TMED2: variants seen among roughly 807,000 people sequenced by gnomAD.
The protein encoded by TMED2 is transmembrane emp24 domain-containing protein 2.
A neutral mutation model predicts 17.5 loss-of-function variants in TMED2; 3 were observed. The observed-to-expected ratio is 0.17, with a 90% CI of 0.08 to 0.44. The LOEUF (loss-of-function observed/expected upper bound fraction) is 0.44. Among genes scored for constraint, TMED2 ranks in the 20% least tolerant of loss-of-function variants. TMED2 has a pLI of 0.99. For missense variants in TMED2, 149 were observed against 254.8 expected (o/e 0.58, Z 2.83); for synonymous variants, 95 against 91.0 (o/e 1.04, Z -0.25).
chr12:123,596,744 A>T lies in TMED2; in HGVS notation c.*15A>T. On this transcript the variant is annotated 3_prime_UTR_variant, in exon 4 of 4. Coordinates refer to ENST00000262225, the MANE Select transcript of TMED2 (RefSeq NM_006815.4). The stretch of plus-strand genomic sequence containing the variant: ...GAGTTGTTTAAAAAGCCTCTTCCTG[A>T]TGATCCCAACTCAGAATTCACTGTT... The T allele has an allele frequency of 6.3e-7, 1 of 1,594,636 alleles. No homozygotes were observed. The highest frequency in any genetic ancestry group is 8.5e-7 in the Non-Finnish European group (1 of 1,172,748).
Position 123,597,403 on chromosome 12 carries a change from A to G in TMED2, c.*674A>G, listed in dbSNP as rs1953439276. 6.6e-6 allele frequency: 1 copy of G among 152,220 alleles called. No homozygotes were observed. Among genetic ancestry groups the G allele is most frequent in the Non-Finnish European group, 1.5e-5 (1 of 68,048 alleles). 9.4% of individuals were successfully genotyped at this position (152,220 alleles called of 1,614,324 possible). On this transcript the variant is annotated 3_prime_UTR_variant, in exon 4 of 4. Coordinates refer to ENST00000262225, the MANE Select transcript of TMED2 (RefSeq NM_006815.4). ...AATAACCATTTCTGGGTTTCTGCCT[A>G]ACCCCCTAATTGTCTGTTAAAGCCA...
intron 2 of TMED2, among the ~76,000 whole-genome samples, chr12:123,588,308 G>T (rs1348278443): frequency 2.0e-5 from 3 of 151,984 alleles, no homozygotes; most frequent in African/African-American, 7.3e-5. Flanking sequence ...TTCAGTATCA[G>T]TAGAGTGTTA....
intron 2 of TMED2, 41 bp from the exon 3 acceptor site, chr12:123,590,301 A>AAAT: frequency 5.6e-6 from 8 of 1,440,758 alleles, no homozygotes; most frequent in Non-Finnish European, 6.6e-6. Flanking sequence ...AAAAAAAAAA[A>AAAT]GACATTGACA....
chr12:123,587,284 T>G (rs1390343547), intron 2 of TMED2, among the ~76,000 whole-genome samples: 1 of 152,168 alleles, frequency 6.6e-6, no homozygotes, highest in Non-Finnish European at 1.5e-5. Flanking sequence ...TATGCCACCA[T>G]GCCCGGCTAA....
chr12:123,584,910 G>C (rs1373916961), intron 1 of TMED2, 94 bp downstream of exon 1: 2 of 1,485,946 alleles, frequency 1.3e-6, no homozygotes, highest in East Asian at 4.6e-5. Flanking sequence ...GTGGGGAGTG[G>C]GCTTGGAAGT....
intron 2 of TMED2, among the ~76,000 whole-genome samples, chr12:123,588,167 G>A (rs1015553090): frequency 1.3e-5 from 2 of 151,300 alleles, no homozygotes; most frequent in African/African-American, 2.4e-5. Flanking sequence ...TGCTTACCGG[G>A]AGCCAGCACA....
intron 3 of TMED2, 76 bp from the exon 4 acceptor site, chr12:123,596,529 A>G: frequency 6.6e-7 from 1 of 1,520,976 alleles, no homozygotes; most frequent in Non-Finnish European, 8.8e-7. Context: ...CAGAGTGAAG[A>G]CTAAAATATT....
intron 3 of TMED2, among the ~76,000 whole-genome samples, chr12:123,594,144 T>TG (rs1953412979): frequency 6.6e-6 from 1 of 151,042 alleles, no homozygotes; most frequent in Admixed American, 6.6e-5. Flanking sequence ...AGAATTTTTT[T>TG]TTTTTTTTGA....
At chr12:123,589,721 C>G (rs1225646517) in intron 2 of TMED2, among the ~76,000 whole-genome samples, 1 of 151,898 alleles carries the variant, frequency 6.6e-6, no homozygotes, top group Non-Finnish European at 1.5e-5. Flanking sequence ...CAGGCCTTCT[C>G]TGAGGATTTT....
rs1331792883 is a variant in TMED2 at position 123,584,823 on chromosome 12, GC to G, written c.180+8del. 1 of 1,607,296 alleles carries G rather than the reference GC, an allele frequency of 6.2e-7. No homozygotes were observed. The highest frequency in any genetic ancestry group is 8.5e-7 in the Non-Finnish European group (1 of 1,179,740). On this transcript the variant is annotated splice_region_variant and intron_variant, in intron 1 of 3. Coordinates refer to ENST00000262225, the MANE Select transcript of TMED2 (RefSeq NM_006815.4). ...CCTGGACATCGACGTGGAGGTGCGG[GC>G]TAGCTGCCCGCAGCTGAGGCTTGGT...
chr12:123,596,292 A>G (rs1335217670), intron 3 of TMED2, among the ~76,000 whole-genome samples: 1 of 152,230 alleles, frequency 6.6e-6, no homozygotes, highest in South Asian at 2.1e-4. Context: ...TTATTATAAA[A>G]TAATCTTTGT....
chr12:123,593,512 A>G (rs1039026390), intron 3 of TMED2, among the ~76,000 whole-genome samples: 1 of 152,252 alleles, frequency 6.6e-6, no homozygotes, highest in African/African-American at 2.4e-5. Flanking sequence ...CAAAATGGAT[A>G]GTAATATAGG....
In TMED2 at chr12:123,591,415, C is replaced by A. The variant is rs77707542; in HGVS notation, c.481+966C>A. Among the ~76,000 whole-genome samples, 858 of 152,254 alleles carry A rather than the reference C, an allele frequency of 5.6e-3. 3 individuals are homozygous for A. Among genetic ancestry groups the A allele is most frequent in the Non-Finnish European group, 8.7e-3 (590 of 68,020 alleles). ...AGAGGTACTATATTGACAGACAGAC[C>A]AATTCCATTGATTAGGTTCAGGGCC... On this transcript the variant is annotated intron_variant, in intron 3 of 3. Transcript: ENST00000262225.
intron 3 of TMED2, among the ~76,000 whole-genome samples, chr12:123,595,705 G>A (rs1953426048): frequency 6.6e-6 from 1 of 151,944 alleles, no homozygotes; most frequent in Admixed American, 6.6e-5. Flanking sequence ...TTTCTTCTCT[G>A]CTCCCCATAT....
At position 123,590,585 on chromosome 12, in the gene TMED2, G is replaced by A. The variant is rs1253792793; in HGVS notation, c.481+136G>A. 3 of 592,292 alleles carry A rather than the reference G, an allele frequency of 5.1e-6. No homozygotes were observed. The African/African-American group carries it at 5.7e-5, about 11-fold the overall frequency. The allele number at this position is 592,292 out of a possible 1,614,324, so 36.7% of individuals were successfully genotyped here. On this transcript the variant is annotated intron_variant, in intron 3 of 3. Coordinates refer to ENST00000262225, the MANE Select transcript of TMED2 (RefSeq NM_006815.4). ...ATTGACTTTAAAAGTGTACCTACACGAGATATTTTTTGAGCATACACATGT... is the reference window on the plus strand; with the variant it reads ...ATTGACTTTAAAAGTGTACCTACACAAGATATTTTTTGAGCATACACATGT...
In TMED2 at chr12:123,594,799, A is replaced by C. The variant is rs1953418522; in HGVS notation, c.482-1806A>C. Among the ~76,000 whole-genome samples the C allele has an allele frequency of 2.6e-5, 4 of 152,060 alleles. No individual in the cohort carries two copies. In the South Asian group the frequency reaches 8.3e-4, roughly 31 times the overall value. The stretch of plus-strand genomic sequence containing the variant: ...CTACTTGGGAGGCTGAGGCAGGAGA[A>C]TCGCTTGAACCCAGGAGGTGGAGGT... On this transcript the variant is annotated intron_variant, in intron 3 of 3. Coordinates refer to ENST00000262225, the MANE Select transcript of TMED2 (RefSeq NM_006815.4).
At chr12:123,592,782 T>C (rs1410472896) in intron 3 of TMED2, among the ~76,000 whole-genome samples, 1 of 152,236 alleles carries the variant, frequency 6.6e-6, no homozygotes, top group Non-Finnish European at 1.5e-5. Context: ...CTGATGTTAC[T>C]GTGCTTCAAT....
chr12:123,593,914 A>G (rs1246736304), intron 3 of TMED2, among the ~76,000 whole-genome samples: 2 of 149,858 alleles, frequency 1.3e-5, no homozygotes, highest in East Asian at 2.0e-4. Context: ...TCCCGCCTCA[A>G]CCTCCCAAGT....
intron 1 of TMED2, 70 bp from the exon 2 acceptor site, chr12:123,586,677 T>G: frequency 7.0e-7 from 1 of 1,431,354 alleles, no homozygotes; most frequent in Non-Finnish European, 9.4e-7. Flanking sequence ...CTTACTGCCA[T>G]TAGACATTAC....
Sources: allele counts gnomAD v4.1 joint callset (sites outside exome capture counted in the v4.1 genomes callset), GRCh38; gene constraint gnomAD v4.1.1; transcripts MANE v1.5; gene names NCBI Gene and HGNC (gene_info 2026-07-23, HGNC 2026-07-21).